The following KLHL29 variants were observed in gnomAD, a reference collection of about 807,000 sequenced individuals.
KLHL29 encodes the protein kelch like family member 29, also known as kelch-like protein 29.
A neutral mutation model predicts 80.4 loss-of-function variants in KLHL29; 21 were observed. The observed-to-expected ratio is 0.26, with a 90% CI of 0.19 to 0.38. KLHL29 has a LOEUF of 0.38. Ranked by LOEUF, KLHL29 falls within the 10% of genes least tolerant of loss-of-function variation. The pLI is 1.00. For synonymous variants in KLHL29, 511 were observed against 526.8 expected (o/e 0.97, Z 0.41); for missense variants, 867 against 1,223.9 (o/e 0.71, Z 4.35).
chr2:23,668,117 T>A (rs1455115751), intron 5 of KLHL29: 1 of 152,422 alleles, frequency 6.6e-6, no homozygotes, highest in Admixed American at 6.6e-5. Flanking sequence ...AACTGTAGCA[T>A]CCCTGGTCAC....
At chr2:23,659,551 G>A (rs745864622) in intron 5 of KLHL29, among the ~76,000 whole-genome samples, 3 of 152,146 alleles carry the variant, frequency 2.0e-5, no homozygotes, top group Admixed American at 6.5e-5. Context: ...TGGCAGGTGC[G>A]TGTCCAGCGT....
chr2:23,470,143 T>C (rs1664460017), intron 1 of KLHL29, among the ~76,000 whole-genome samples: 1 of 152,178 alleles, frequency 6.6e-6, no homozygotes, highest in South Asian at 2.1e-4. Flanking sequence ...GAACACCTCA[T>C]TTTCTTTATC....
intron 3 of KLHL29, among the ~76,000 whole-genome samples, chr2:23,603,735 C>T (rs563693394): frequency 1.3e-5 from 2 of 152,332 alleles, no homozygotes; most frequent in East Asian, 3.9e-4. Context: ...GTGTCCAGCC[C>T]TGGGGAGCAG....
chr2:23,494,049 C>T (rs1385266905), intron 2 of KLHL29, among the ~76,000 whole-genome samples: 2 of 152,212 alleles, frequency 1.3e-5, no homozygotes, highest in Non-Finnish European at 2.9e-5. Flanking sequence ...ATGGCATCTA[C>T]TCAATGGAAA....
At chr2:23,508,979 A>C (rs1032966587) in intron 2 of KLHL29, among the ~76,000 whole-genome samples, 1 of 152,210 alleles carries the variant, frequency 6.6e-6, no homozygotes, top group Non-Finnish European at 1.5e-5. Context: ...CCGTTCCCTC[A>C]TCTGTAAAAG....
chr2:23,386,894 G>A (rs1666196864), intron 1 of KLHL29, among the ~76,000 whole-genome samples: 2 of 152,182 alleles, frequency 1.3e-5, no homozygotes, highest in South Asian at 4.1e-4. Context: ...GGAGGAGGGG[G>A]TGGCGGCCAC....
chr2:23,441,645 G>A (rs1663527920), intron 1 of KLHL29, among the ~76,000 whole-genome samples: 1 of 152,134 alleles, frequency 6.6e-6, no homozygotes, highest in African/African-American at 2.4e-5. Flanking sequence ...CTTGACTGAG[G>A]TTGCAAGATG....
intron 2 of KLHL29, among the ~76,000 whole-genome samples, chr2:23,538,798 A>T (rs1465699032): frequency 6.6e-6 from 1 of 152,228 alleles, no homozygotes; most frequent in Non-Finnish European, 1.5e-5. Context: ...TTTCCTAGAG[A>T]TTTGGAGCCT....
intron 7 of KLHL29, 31 bp downstream of exon 7, chr2:23,691,907 G>C (rs763936054): frequency 1.0e-5 from 16 of 1,540,078 alleles, no homozygotes; most frequent in African/African-American, 1.4e-5. Context: ...TGTCGCTTGG[G>C]GGGAAGAGTG....
intron 1 of KLHL29, among the ~76,000 whole-genome samples, chr2:23,415,705 A>ATT (rs1251317749): frequency 1.4e-5 from 2 of 145,810 alleles, no homozygotes; most frequent in African/African-American, 5.0e-5. Context: ...TAGTCTTTTT[A>ATT]TTTTTTTTTT....
chr2:23,389,284 C>G (rs1411875923), intron 1 of KLHL29, among the ~76,000 whole-genome samples: 1 of 152,168 alleles, frequency 6.6e-6, no homozygotes, highest in Non-Finnish European at 1.5e-5. Flanking sequence ...CCACTTTCAA[C>G]TTAGCTTTCT....
intron 2 of KLHL29, among the ~76,000 whole-genome samples, chr2:23,523,210 C>T (rs980606321): frequency 3.9e-5 from 6 of 152,186 alleles, no homozygotes; most frequent in Non-Finnish European, 7.4e-5. Context: ...AGCGGCAGCA[C>T]GGTCCACCCC....
At chr2:23,533,492 C>A (rs1161465290) in intron 2 of KLHL29, among the ~76,000 whole-genome samples, 1 of 152,174 alleles carries the variant, frequency 6.6e-6, no homozygotes. Flanking sequence ...AGTGAAGCAG[C>A]TGATGCAAAA....
chr2:23,395,851 A>G lies in KLHL29; in HGVS notation c.-154+10071A>G, dbSNP rs373145408. Among the ~76,000 whole-genome samples the G allele has an allele frequency of 2.4e-4, 36 of 152,194 alleles. 1 individual carries two copies. In the South Asian group the frequency reaches 7.3e-3, roughly 31 times the overall value. On this transcript the variant is annotated intron_variant, in intron 1 of 13. Coordinates refer to ENST00000486442, the MANE Select transcript of KLHL29 (RefSeq NM_052920.2). The stretch of plus-strand genomic sequence containing the variant: ...ATTAACTAGGTACAGACCAGTTTGC[A>G]TGGTCTTGGACTCTCATGGTGAGTT...
intron 1 of KLHL29, among the ~76,000 whole-genome samples, chr2:23,407,625 C>T (rs1421788415): frequency 6.6e-6 from 1 of 151,956 alleles, no homozygotes; most frequent in Non-Finnish European, 1.5e-5. Flanking sequence ...GAATCATCAA[C>T]GTTTTTGTTG....
At chr2:23,491,480 C>T (rs1665100712) in intron 2 of KLHL29, among the ~76,000 whole-genome samples, 1 of 152,124 alleles carries the variant, frequency 6.6e-6, no homozygotes. Flanking sequence ...GCTTCAGATG[C>T]CTGGGGGGCT....
chr2:23,643,941 C>T (rs773886316), intron 5 of KLHL29: 3 of 152,084 alleles, frequency 2.0e-5, no homozygotes, highest in African/African-American at 4.8e-5. Flanking sequence ...GATGGCATTT[C>T]GGGGTGCTCT....
intron 3 of KLHL29, among the ~76,000 whole-genome samples, chr2:23,598,524 G>T (rs1241477990): frequency 6.6e-6 from 1 of 152,192 alleles, no homozygotes; most frequent in African/African-American, 2.4e-5. Flanking sequence ...CACAGTGCCT[G>T]CTACAGCCAT....
intron 2 of KLHL29, among the ~76,000 whole-genome samples, chr2:23,547,114 G>C (rs1666998251): frequency 1.3e-5 from 2 of 152,194 alleles, no homozygotes; most frequent in African/African-American, 4.8e-5. Context: ...CCGGCACCGG[G>C]TCTCTGCACA....
Sources: allele counts gnomAD v4.1 joint callset (sites outside exome capture counted in the v4.1 genomes callset), GRCh38; gene constraint gnomAD v4.1.1; transcripts MANE v1.5; gene names NCBI Gene and HGNC (gene_info 2026-07-23, HGNC 2026-07-21).